Variants in VSIG10 observed in about 807,000 individuals in gnomAD.
VSIG10 encodes V-set and immunoglobulin domain-containing protein 10.
In VSIG10, 48 loss-of-function variants were observed where a neutral mutation model predicts 58.7. That is an observed-to-expected ratio of 0.82 (90% CI 0.65 to 1.04). The LOEUF (loss-of-function observed/expected upper bound fraction) is 1.04. Ranked by LOEUF, VSIG10 falls within the 50% of genes least tolerant of loss-of-function variation. The probability of loss-of-function intolerance (pLI) is 0.00; values close to 1 mark genes in which losing one functional copy is unlikely to be tolerated. For missense variants in VSIG10, 628 were observed against 670.0 expected (o/e 0.94, Z 0.69); for synonymous variants, 260 against 267.1 (o/e 0.97, Z 0.26).
chr12:118,085,001 A>G (rs538470187), intron 2 of VSIG10, among the ~76,000 whole-genome samples: 5 of 152,320 alleles, frequency 3.3e-5, no homozygotes, highest in Non-Finnish European at 7.4e-5. Flanking sequence ...CCTGGGCAAC[A>G]GAGTGAGACT....
At chr12:118,093,438 C>T (rs996943002) in intron 2 of VSIG10, among the ~76,000 whole-genome samples, 2 of 151,620 alleles carry the variant, frequency 1.3e-5, no homozygotes, top group East Asian at 2.0e-4. Context: ...CCAAACTCTT[C>T]GCTCAAATGA....
At chr12:118,080,603 A>G (rs1029705122) in intron 3 of VSIG10, among the ~76,000 whole-genome samples, 2 of 152,218 alleles carry the variant, frequency 1.3e-5, no homozygotes, top group Admixed American at 6.6e-5. Flanking sequence ...TGACAGCCAC[A>G]CAGGTCCACA....
At chr12:118,079,205 A>C in intron 4 of VSIG10, 141 bp downstream of exon 4, 1 of 1,274,820 alleles carries the variant, frequency 7.8e-7, no homozygotes, top group Non-Finnish European at 1.1e-6. Flanking sequence ...AAACATAAAG[A>C]AAAAGAAAGG....
intron 5 of VSIG10, 24 bp from the exon 6 acceptor site, chr12:118,071,493 G>A (rs375042887): frequency 7.5e-6 from 12 of 1,596,082 alleles, no homozygotes; most frequent in Admixed American, 5.0e-5. Flanking sequence ...TCACACCATT[G>A]ATTCTTCCAT....
intron 2 of VSIG10, among the ~76,000 whole-genome samples, chr12:118,091,208 A>G (rs1285033457): frequency 6.6e-6 from 1 of 151,978 alleles, no homozygotes; most frequent in Non-Finnish European, 1.5e-5. Context: ...AAAATGTTTC[A>G]GGGGCTGGGT....
intron 7 of VSIG10, among the ~76,000 whole-genome samples, chr12:118,069,078 G>A (rs1023206140): frequency 1.3e-5 from 2 of 151,964 alleles, no homozygotes; most frequent in Admixed American, 6.6e-5. Context: ...TTGCATTTCA[G>A]ACTATACATT....
intron 2 of VSIG10, among the ~76,000 whole-genome samples, chr12:118,093,976 A>C (rs1350564423): frequency 6.6e-6 from 1 of 152,192 alleles, no homozygotes; most frequent in Non-Finnish European, 1.5e-5. Context: ...CAAAGCAGGC[A>C]ATGTATTATC....
At chr12:118,086,846 C>A (rs1418226492) in intron 2 of VSIG10, among the ~76,000 whole-genome samples, 1 of 152,162 alleles carries the variant, frequency 6.6e-6, no homozygotes, top group African/African-American at 2.4e-5. Flanking sequence ...CTGCAAACTC[C>A]GCTTCCTGGG....
intron 1 of VSIG10, among the ~76,000 whole-genome samples, chr12:118,096,899 C>T (rs188039556): frequency 2.9e-4 from 44 of 151,962 alleles, no homozygotes; most frequent in East Asian, 7.8e-4. Flanking sequence ...ATTAGCCGGG[C>T]GTGGTGGCAC....
At chr12:118,074,635 C>G (rs1447231512) in intron 4 of VSIG10, among the ~76,000 whole-genome samples, 1 of 152,016 alleles carries the variant, frequency 6.6e-6, no homozygotes, top group Non-Finnish European at 1.5e-5. Flanking sequence ...TGAGCCACCA[C>G]GCCCACCTAA....
At chr12:118,088,071 C>T (rs958120064) in intron 2 of VSIG10, among the ~76,000 whole-genome samples, 4 of 151,824 alleles carry the variant, frequency 2.6e-5, no homozygotes, top group African/African-American at 4.8e-5. Context: ...TGGTGAAACC[C>T]CGTCTCTACT....
At chr12:118,103,464 C>T (rs1046340580) in intron 1 of VSIG10, 129 bp downstream of exon 1, 5 of 970,580 alleles carry the variant, frequency 5.2e-6, no homozygotes, top group African/African-American at 1.7e-5. Flanking sequence ...CAAGACCCTC[C>T]TGGGGCAGCT....
intron 2 of VSIG10, among the ~76,000 whole-genome samples, chr12:118,090,762 C>T (rs553413267): frequency 2.2e-4 from 34 of 152,276 alleles, no homozygotes; most frequent in Non-Finnish European, 4.4e-4. Flanking sequence ...AAGCGATCCT[C>T]CCACCTCAGC....
At chr12:118,085,615 A>G (rs2033099723) in intron 2 of VSIG10, among the ~76,000 whole-genome samples, 1 of 152,222 alleles carries the variant, frequency 6.6e-6, no homozygotes, top group Non-Finnish European at 1.5e-5. Context: ...TAATCCCAGC[A>G]TTTTGGGAGG....
intron 1 of VSIG10, among the ~76,000 whole-genome samples, chr12:118,097,443 C>A (rs1348636274): frequency 6.6e-6 from 1 of 152,032 alleles, no homozygotes; most frequent in Admixed American, 6.6e-5. Flanking sequence ...GGTGAAACCC[C>A]GTCTCTGCTA....
chr12:118,085,604 G>A (rs960500800), intron 2 of VSIG10, among the ~76,000 whole-genome samples: 2 of 152,230 alleles, frequency 1.3e-5, no homozygotes, highest in African/African-American at 2.4e-5. Flanking sequence ...GCTCATGCCT[G>A]TAATCCCAGC....
Position 118,103,744 on chromosome 12 carries a change from C to G in VSIG10, c.-73G>C. The G allele has an allele frequency of 7.4e-7, 1 of 1,357,002 alleles. No homozygotes were observed. Among genetic ancestry groups the G allele is most frequent in the Non-Finnish European group, 9.5e-7 (1 of 1,053,976 alleles). 84.1% of individuals were successfully genotyped at this position (1,357,002 alleles called of 1,614,324 possible). A position where few individuals can be genotyped will look rare whatever the true frequency, so the allele number is the denominator to read the frequency against. On this transcript the variant is annotated 5_prime_UTR_variant, in exon 1 of 9. Transcript: ENST00000359236. Reference sequence around the variant, plus strand: ...ACGTGTGTGCCCCAGGGCCCCGGGGCCCGGGGTACCGAGGGCTCCTCCCAG... The same window carrying G: ...ACGTGTGTGCCCCAGGGCCCCGGGGGCCGGGGTACCGAGGGCTCCTCCCAG...
intron 2 of VSIG10, among the ~76,000 whole-genome samples, chr12:118,086,001 T>C (rs1051517232): frequency 1.3e-5 from 2 of 148,818 alleles, no homozygotes; most frequent in Admixed American, 1.3e-4. Flanking sequence ...TTTCTAAAAA[T>C]ACAAAGAATT....
rs1158739532 is a variant in VSIG10 at position 118,098,220 on chromosome 12, G to GCTCTCTCTGCCTCTCCCT, written c.80-2424_80-2407dup. Among the ~76,000 whole-genome samples the GCTCTCTCTGCCTCTCCCT allele has an allele frequency of 3.0e-3, 458 of 151,312 alleles. 5 individuals carry two copies. Among genetic ancestry groups the GCTCTCTCTGCCTCTCCCT allele is most frequent in the African/African-American group, 9.1e-3 (373 of 41,166 alleles). On this transcript the variant is annotated intron_variant, in intron 1 of 8. Coordinates refer to ENST00000359236, the MANE Select transcript of VSIG10 (RefSeq NM_019086.6). The stretch of plus-strand genomic sequence containing the variant: ...TTGGCTTTGTTTCCACTGTCCCACT[G>GCTCTCTCTGCCTCTCCCT]CTCTCTCTGCCTCTCCCTCTCTCTC...
Sources: gnomAD v4.1 joint callset for allele counts (sites outside exome capture counted in the v4.1 genomes callset) on GRCh38, gnomAD v4.1.1 for gene constraint, MANE v1.5 for transcripts, NCBI Gene and HGNC (gene_info 2026-07-23, HGNC 2026-07-21) for gene names.